The following TTC27 variants were observed in gnomAD, a reference collection of about 807,000 sequenced individuals.
TTC27 encodes the protein tetratricopeptide repeat protein 27.
TTC27 carries 79 observed loss-of-function variants against 115.9 expected under a neutral mutation model. That is an observed-to-expected ratio of 0.68 (90% CI 0.57 to 0.82). The LOEUF (loss-of-function observed/expected upper bound fraction) is 0.82, where lower values mean the gene tolerates loss of function less well. TTC27 is among the 40% of genes least tolerant of loss of function. The probability of loss-of-function intolerance (pLI) is 0.00; values close to 1 mark genes in which losing one functional copy is unlikely to be tolerated. For missense variants in TTC27, 1,054 were observed against 993.1 expected, an observed-to-expected ratio of 1.06 and a Z score of -0.82; for synonymous variants, 401 against 356.0, an observed-to-expected ratio of 1.13 and a Z score of -1.42.
At chr2:32,746,878 G>A (rs1023478653) in intron 12 of TTC27, among the ~76,000 whole-genome samples, 2 of 152,156 alleles carry the variant, frequency 1.3e-5, no homozygotes. Flanking sequence ...AGGAAATACT[G>A]CCAGCATTGC....
intron 4 of TTC27, among the ~76,000 whole-genome samples, chr2:32,645,540 C>G (rs1189256554): frequency 6.6e-6 from 1 of 151,756 alleles, no homozygotes; most frequent in Admixed American, 6.6e-5. Flanking sequence ...TTCTTTGTTT[C>G]TTTTTTTAAA....
intron 12 of TTC27, among the ~76,000 whole-genome samples, chr2:32,750,311 G>T (rs76593963): frequency 0.049 from 7,442 of 152,250 alleles, 205 homozygotes; most frequent in Middle Eastern, 0.095. Flanking sequence ...GGAAGGACAA[G>T]GTATACACAC....
chr2:32,699,147 A>G (rs1019434443), intron 9 of TTC27, among the ~76,000 whole-genome samples: 2 of 152,180 alleles, frequency 1.3e-5, no homozygotes, highest in Non-Finnish European at 2.9e-5. Context: ...AACAGTATGT[A>G]AGGCACTAGG....
intron 9 of TTC27, among the ~76,000 whole-genome samples, chr2:32,690,271 C>T (rs1406698663): frequency 2.0e-5 from 3 of 151,982 alleles, no homozygotes; most frequent in Admixed American, 2.0e-4. Flanking sequence ...ATTTGCATAG[C>T]AGAGAAAGTT....
chr2:32,792,008 A>AT (rs1471027951), intron 16 of TTC27, among the ~76,000 whole-genome samples: 14 of 152,228 alleles, frequency 9.2e-5, no homozygotes, highest in Non-Finnish European at 1.6e-4. Flanking sequence ...TCTTACATGC[A>AT]TTTCCAGTCA....
In TTC27 at chr2:32,811,107, G is replaced by T. The variant is rs1671301559; in HGVS notation, c.2082G>T (p.Leu694=). 6.2e-7 allele frequency: 1 copy of T among 1,614,210 alleles called. No individual in the cohort carries two copies. The highest frequency in any genetic ancestry group is 1.7e-5 in the Admixed American group (1 of 60,026). The part of the protein sequence containing the change: ...GDVATGLKGK[L]QELFGRVTSR... ...TTGCAACTGGCCTCAAAGGAAAGCT[G>T]CAGGAGTTATTTGGCAGAGTGACTT... is the stretch of plus-strand genomic sequence containing the variant. Residue 694 remains leucine, a synonymous_variant, in exon 17 of 20, where the codon CTG becomes CTT. Coordinates refer to ENST00000317907, the MANE Select transcript of TTC27 (RefSeq NM_017735.5).
rs1230431406 is a variant in TTC27, at chr2:32,630,635, T to C, written c.201T>C (p.Asp67=). The C allele has an allele frequency of 1.2e-6, 2 of 1,613,858 alleles. No individual in the cohort carries two copies. The highest frequency in any genetic ancestry group is 2.2e-5 in the East Asian group (1 of 44,874). Residue 67 remains aspartate, a synonymous_variant, in exon 2 of 20, where the codon GAT becomes GAC. Coordinates refer to ENST00000317907, the MANE Select transcript of TTC27 (RefSeq NM_017735.5). ...CAACAACCGCTGAAGAAAAGATTGA[T>C]AGCTACCTGGAGAAGCAGGTAGTAA... ...NSTTTAEEKI[D]SYLEKQVVTF... is the part of the protein sequence containing the mutation.
chr2:32,734,533 A>C (rs914418539), intron 11 of TTC27, among the ~76,000 whole-genome samples: 10 of 152,248 alleles, frequency 6.6e-5, no homozygotes, highest in African/African-American at 2.4e-4. Flanking sequence ...GGCTATGAGA[A>C]TACCTACTGT....
intron 13 of TTC27, among the ~76,000 whole-genome samples, chr2:32,761,639 A>T (rs1173626892): frequency 6.6e-6 from 1 of 151,968 alleles, no homozygotes; most frequent in Non-Finnish European, 1.5e-5. Context: ...CTCTGCCTGG[A>T]ATGTCCTTCT....
At chr2:32,812,786 T>C (rs2148048542) in intron 18 of TTC27, among the ~76,000 whole-genome samples, 171 bp downstream of exon 18, 1 of 152,360 alleles carries the variant, frequency 6.6e-6, no homozygotes, top group East Asian at 1.9e-4. Context: ...TACTATGTAA[T>C]AGGCATTTTG....
chr2:32,779,679 T>C (rs1670110174), intron 14 of TTC27, among the ~76,000 whole-genome samples: 1 of 152,180 alleles, frequency 6.6e-6, no homozygotes. Context: ...TTTTTTCTTT[T>C]GTTGCTCATA....
chr2:32,799,042 A>C (rs1044796349), intron 16 of TTC27, among the ~76,000 whole-genome samples: 1 of 152,208 alleles, frequency 6.6e-6, no homozygotes, highest in African/African-American at 2.4e-5. Context: ...ATACAATGGA[A>C]TATTAGTCTT....
chr2:32,633,416 C>T (rs1664288680), intron 2 of TTC27, among the ~76,000 whole-genome samples: 1 of 148,974 alleles, frequency 6.7e-6, no homozygotes, highest in Non-Finnish European at 1.5e-5. Context: ...GACCTAATTT[C>T]TTTTTTTTTT....
intron 12 of TTC27, among the ~76,000 whole-genome samples, chr2:32,746,702 T>C (rs923661475): frequency 1.2e-4 from 18 of 152,316 alleles, no homozygotes; most frequent in Admixed American, 5.9e-4. Flanking sequence ...AGTGATGTTA[T>C]GTAGGCCCTG....
intron 12 of TTC27, among the ~76,000 whole-genome samples, chr2:32,744,390 T>C (rs1395848537): frequency 6.6e-6 from 1 of 152,258 alleles, no homozygotes; most frequent in Admixed American, 6.5e-5. Flanking sequence ...CCTCACTTTC[T>C]TGATTCTTCT....
At chr2:32,664,494 G>T in intron 6 of TTC27, 27 bp downstream of exon 6, 1 of 1,579,056 alleles carries the variant, frequency 6.3e-7, no homozygotes, top group Non-Finnish European at 8.6e-7. Context: ...GTGGATAATT[G>T]ATTTTATTTT....
intron 18 of TTC27, among the ~76,000 whole-genome samples, chr2:32,816,886 A>T (rs1318983544): frequency 6.6e-6 from 1 of 152,146 alleles, no homozygotes; most frequent in Non-Finnish European, 1.5e-5. Flanking sequence ...CCACACAAAG[A>T]TGTGCTGCAT....
chr2:32,711,576 A>G (rs552343467), intron 10 of TTC27, among the ~76,000 whole-genome samples: 34 of 152,284 alleles, frequency 2.2e-4, no homozygotes, highest in Middle Eastern at 3.4e-3. Context: ...TGTTTTTTTA[A>G]TTGTTTTAGT....
intron 16 of TTC27, among the ~76,000 whole-genome samples, chr2:32,789,801 C>G (rs570917462): frequency 6.6e-6 from 1 of 150,750 alleles, no homozygotes; most frequent in Non-Finnish European, 1.5e-5. Context: ...TAATATGTAC[C>G]TGTGGCTACT....
Sources: allele counts gnomAD v4.1 joint callset (sites outside exome capture counted in the v4.1 genomes callset), GRCh38; gene constraint gnomAD v4.1.1; transcripts MANE v1.5; gene names NCBI Gene and HGNC (gene_info 2026-07-23, HGNC 2026-07-21).